MDGA2: variants seen among roughly 807,000 people sequenced by gnomAD.
MDGA2 encodes MAM domain containing glycosylphosphatidylinositol anchor 2.
A neutral mutation model predicts 117.8 loss-of-function variants in MDGA2; 40 were observed. That is an observed-to-expected ratio of 0.34 (90% confidence interval 0.26 to 0.44). The LOEUF (loss-of-function observed/expected upper bound fraction) is 0.44. Ranked by LOEUF, MDGA2 falls within the 20% of genes least tolerant of loss-of-function variation. MDGA2 has a pLI of 1.00. For synonymous variants in MDGA2, 452 were observed against 439.0 expected (o/e 1.03, Z -0.37); for missense variants, 1,123 against 1,250.6 (o/e 0.90, Z 1.54).
chr14:47,254,001 C>T (rs748710652), intron 2 of MDGA2, among the ~76,000 whole-genome samples: 2 of 152,210 alleles, frequency 1.3e-5, no homozygotes, highest in Non-Finnish European at 2.9e-5. Context: ...GTTGTACATT[C>T]GCCTCTTTTA....
At chr14:47,347,320 G>A (rs1471571992) in intron 1 of MDGA2, among the ~76,000 whole-genome samples, 1 of 152,192 alleles carries the variant, frequency 6.6e-6, no homozygotes, top group African/African-American at 2.4e-5. Context: ...AGGCAATAAT[G>A]CCCGTATTTG....
At chr14:47,627,225 C>A (rs1273381232) in intron 1 of MDGA2, among the ~76,000 whole-genome samples, 3 of 151,946 alleles carry the variant, frequency 2.0e-5, no homozygotes, top group Non-Finnish European at 2.9e-5. Flanking sequence ...TGTGAATGCA[C>A]CAATTGGCAC....
intron 6 of MDGA2, among the ~76,000 whole-genome samples, chr14:47,094,845 A>G (rs8011013): frequency 0.34 from 51,620 of 151,730 alleles, 9,341 homozygotes; most frequent in East Asian, 0.53. Context: ...CAATTTTTCT[A>G]TTTCTCTTTT....
intron 1 of MDGA2, among the ~76,000 whole-genome samples, chr14:47,475,845 A>G (rs1893825224): frequency 6.6e-6 from 1 of 152,022 alleles, no homozygotes; most frequent in African/African-American, 2.4e-5. Flanking sequence ...GGAGCATCAG[A>G]AAGAACAGAA....
chr14:47,476,049 AAAAATCAATTT>A (rs1262449808), intron 1 of MDGA2, among the ~76,000 whole-genome samples: 3 of 152,256 alleles, frequency 2.0e-5, no homozygotes, highest in East Asian at 1.9e-4. Context: ...TTAAAGTAAA[AAAAATCAATTT>A]AAAATCAATT....
intron 6 of MDGA2, among the ~76,000 whole-genome samples, chr14:47,082,796 T>C (rs1594601375): frequency 6.6e-6 from 1 of 151,634 alleles, no homozygotes; most frequent in Admixed American, 6.6e-5. Context: ...ATAGCTATGA[T>C]AGAAATACTT....
At chr14:47,502,212 T>C (rs1256111189) in intron 1 of MDGA2, among the ~76,000 whole-genome samples, 1 of 152,130 alleles carries the variant, frequency 6.6e-6, no homozygotes, top group Non-Finnish European at 1.5e-5. Flanking sequence ...TGTAATTATA[T>C]AATATATATT....
intron 1 of MDGA2, among the ~76,000 whole-genome samples, chr14:47,361,140 T>C (rs1469080169): frequency 6.6e-6 from 1 of 151,942 alleles, no homozygotes; most frequent in African/African-American, 2.4e-5. Context: ...TGCTTGCCAG[T>C]AGTAATCATT....
At chr14:47,267,124 G>T (rs1250508761) in intron 2 of MDGA2, among the ~76,000 whole-genome samples, 1 of 152,086 alleles carries the variant, frequency 6.6e-6, no homozygotes, top group African/African-American at 2.4e-5. Flanking sequence ...TCCTTGTTAA[G>T]AATCTAACCA....
At chr14:47,182,190 G>A (rs1391102832) in intron 3 of MDGA2, among the ~76,000 whole-genome samples, 1 of 152,012 alleles carries the variant, frequency 6.6e-6, no homozygotes, top group East Asian at 1.9e-4. Context: ...ATACTCTAAA[G>A]GGGTAGATTT....
At chr14:47,252,274 T>C (rs1052483218) in intron 2 of MDGA2, among the ~76,000 whole-genome samples, 2 of 152,154 alleles carry the variant, frequency 1.3e-5, no homozygotes, top group Non-Finnish European at 2.9e-5. Flanking sequence ...GATAATCTTA[T>C]AATAAATAAG....
At chr14:46,864,856 T>G (rs1881681528) in intron 14 of MDGA2, among the ~76,000 whole-genome samples, 8 of 151,982 alleles carry the variant, frequency 5.3e-5, no homozygotes. Flanking sequence ...ACCTAAGAGT[T>G]GTCTTCTTCA....
chr14:47,319,813 C>T (rs1387487951), intron 1 of MDGA2, among the ~76,000 whole-genome samples: 4 of 151,952 alleles, frequency 2.6e-5, no homozygotes, highest in Admixed American at 2.6e-4. Context: ...GGAATGTGTT[C>T]CCCCAAAAGA....
chr14:47,222,932 G>A (rs936881954), intron 2 of MDGA2, among the ~76,000 whole-genome samples: 9 of 152,124 alleles, frequency 5.9e-5, no homozygotes, highest in African/African-American at 1.9e-4. Flanking sequence ...CTGTTTTCAC[G>A]CTGCCTGTAA....
intron 4 of MDGA2, among the ~76,000 whole-genome samples, chr14:47,135,231 A>G (rs1350997486): frequency 1.3e-5 from 2 of 152,098 alleles, no homozygotes; most frequent in African/African-American, 2.4e-5. Context: ...AGATATAATA[A>G]TTTAGTCATT....
chr14:47,347,834 CATGAAAT>C (rs1354367548), intron 1 of MDGA2, among the ~76,000 whole-genome samples: 1 of 152,044 alleles, frequency 6.6e-6, no homozygotes, highest in Non-Finnish European at 1.5e-5. Context: ...AAATGACTGA[CATGAAAT>C]GACCTGACAT....
intron 10 of MDGA2, among the ~76,000 whole-genome samples, chr14:46,909,956 G>A (rs1883635814): frequency 6.6e-6 from 1 of 152,008 alleles, no homozygotes; most frequent in Non-Finnish European, 1.5e-5. Flanking sequence ...TTAACTTGAA[G>A]CTTTCCTATT....
intron 2 of MDGA2, among the ~76,000 whole-genome samples, chr14:47,237,850 T>C (rs1396206508): frequency 6.6e-6 from 1 of 152,162 alleles, no homozygotes; most frequent in Non-Finnish European, 1.5e-5. Flanking sequence ...CCACCTTCCA[T>C]TCTTGACCCC....
At chr14:46,848,964 A>T (rs1880952214) in intron 15 of MDGA2, among the ~76,000 whole-genome samples, 1 of 152,068 alleles carries the variant, frequency 6.6e-6, no homozygotes, top group South Asian at 2.1e-4. Context: ...ACAGTAAAAA[A>T]AGTAGGCTGA....
Sources: gnomAD v4.1 joint callset for allele counts (sites outside exome capture counted in the v4.1 genomes callset) on GRCh38, gnomAD v4.1.1 for gene constraint, MANE v1.5 for transcripts, NCBI Gene and HGNC (gene_info 2026-07-23, HGNC 2026-07-21) for gene names.